Variants in SGCZ observed in about 807,000 individuals in gnomAD.
SGCZ encodes the protein sarcoglycan zeta.
In SGCZ, 40 loss-of-function variants were observed where a neutral mutation model predicts 41.3. The observed-to-expected ratio is 0.97, with a 90% CI of 0.75 to 1.26. SGCZ has a LOEUF of 1.26. Among genes scored for constraint, SGCZ ranks in the 50% most tolerant of loss-of-function variants. SGCZ has a pLI of 0.00. For synonymous variants in SGCZ, 206 were observed against 137.5 expected (o/e 1.50, Z -3.49); for missense variants, 552 against 369.8 (o/e 1.49, Z -4.04).
chr8:14,325,709 C>T (rs1161746243), intron 2 of SGCZ, among the ~76,000 whole-genome samples: 2 of 125,610 alleles, frequency 1.6e-5, no homozygotes, highest in Admixed American at 8.7e-5. Flanking sequence ...ATTATATATA[C>T]ATATCTGTAT....
intron 1 of SGCZ, among the ~76,000 whole-genome samples, chr8:14,834,315 T>C (rs1440577378): frequency 6.6e-6 from 1 of 152,208 alleles, no homozygotes; most frequent in Non-Finnish European, 1.5e-5. Context: ...TCATTAAGGA[T>C]TCTTTTATCT....
intron 2 of SGCZ, among the ~76,000 whole-genome samples, chr8:14,381,687 A>G (rs1804371010): frequency 1.3e-5 from 2 of 151,984 alleles, no homozygotes; most frequent in South Asian, 2.1e-4. Context: ...TTGGGAAGCT[A>G]AGGTGAAAGG....
At chr8:14,801,237 C>A (rs1801312519) in intron 1 of SGCZ, among the ~76,000 whole-genome samples, 1 of 152,030 alleles carries the variant, frequency 6.6e-6, no homozygotes, top group Admixed American at 6.6e-5. Flanking sequence ...AGAAGATAAA[C>A]AGAAATTATA....
chr8:14,144,180 T>C lies in SGCZ; in HGVS notation c.547+20400A>G, dbSNP rs371958481. Reference sequence around the variant, plus strand: ...GACAGCCAAGGTAATACTGGCATCATCCGTCCCATAACCCTAGGCTGCACA... The same window carrying C: ...GACAGCCAAGGTAATACTGGCATCACCCGTCCCATAACCCTAGGCTGCACA... On this transcript the variant is annotated intron_variant, in intron 5 of 7. Coordinates refer to ENST00000382080, the MANE Select transcript of SGCZ (RefSeq NM_139167.4). Among the ~76,000 whole-genome samples, 8 of 152,114 alleles carry C rather than the reference T, an allele frequency of 5.3e-5. No individual in the cohort carries two copies. In the East Asian group the frequency reaches 7.7e-4, roughly 15 times the overall value.
chr8:15,113,204 G>A lies in SGCZ; in HGVS notation c.39+124381C>T, dbSNP rs1585576390. 3.2e-5 allele frequency among the ~76,000 whole-genome samples: 3 copies of A among 95,236 alleles called. No individual in the cohort carries two copies. In the South Asian group the frequency reaches 1.0e-3, roughly 33 times the overall value. 62.5% of individuals were successfully genotyped at this position (95,236 alleles called of 152,430 possible). A position where few individuals can be genotyped will look rare whatever the true frequency, so the allele number is the denominator to read the frequency against. ...AGCCTGGGCAAGAGAGCGAGACCTG[G>A]CTCAAAAAAAAAAAAAAACAAAAAG... On this transcript the variant is annotated intron_variant, in intron 1 of 7. Coordinates refer to ENST00000382080, the MANE Select transcript of SGCZ (RefSeq NM_139167.4).
At chr8:14,814,954 A>G (rs978102704) in intron 1 of SGCZ, among the ~76,000 whole-genome samples, 2 of 152,096 alleles carry the variant, frequency 1.3e-5, no homozygotes, top group African/African-American at 4.8e-5. Context: ...GACATTAAAA[A>G]AAGAAAACTA....
chr8:15,082,396 A>G (rs575615473), intron 1 of SGCZ, among the ~76,000 whole-genome samples: 158 of 149,888 alleles, frequency 1.1e-3, no homozygotes, highest in African/African-American at 3.7e-3. Flanking sequence ...ATATATATAT[A>G]CACACATATA....
At chr8:14,602,243 A>G (rs577062436) in intron 1 of SGCZ, among the ~76,000 whole-genome samples, 1 of 152,322 alleles carries the variant, frequency 6.6e-6, no homozygotes, top group African/African-American at 2.4e-5. Flanking sequence ...GTTTTAAAAA[A>G]ATTCTCAATT....
chr8:14,569,827 G>T (rs190584175), intron 1 of SGCZ, among the ~76,000 whole-genome samples: 1 of 152,162 alleles, frequency 6.6e-6, no homozygotes, highest in African/African-American at 2.4e-5. Flanking sequence ...TCAGGTGGGT[G>T]GGGGCTGAAA....
intron 1 of SGCZ, among the ~76,000 whole-genome samples, chr8:15,227,664 C>T (rs770134112): frequency 1.3e-5 from 2 of 152,094 alleles, no homozygotes; most frequent in African/African-American, 2.4e-5. Context: ...TTTATTCATT[C>T]GTACTGTGAC....
At chr8:14,488,634 G>T (rs879864237) in intron 2 of SGCZ, among the ~76,000 whole-genome samples, 1 of 142,310 alleles carries the variant, frequency 7.0e-6, no homozygotes. Flanking sequence ...GCTGTGAGAA[G>T]TTAGGAACCT....
chr8:14,990,146 A>T (rs1801959519), intron 1 of SGCZ, among the ~76,000 whole-genome samples: 2 of 152,196 alleles, frequency 1.3e-5, no homozygotes, highest in Admixed American at 1.3e-4. Context: ...AAAGTGAAGA[A>T]ATTGAAGCAG....
At chr8:14,706,055 G>T (rs923732947) in intron 1 of SGCZ, among the ~76,000 whole-genome samples, 11 of 151,628 alleles carry the variant, frequency 7.3e-5, no homozygotes, top group African/African-American at 1.9e-4. Flanking sequence ...TCTTTTATTG[G>T]GCACCATGAC....
At chr8:15,047,104 C>T (rs116370375) in intron 1 of SGCZ, among the ~76,000 whole-genome samples, 1 of 151,866 alleles carries the variant, frequency 6.6e-6, no homozygotes, top group South Asian at 2.1e-4. Flanking sequence ...AATGCCTGTC[C>T]CTCCTGCATC....
At chr8:14,273,618 T>C (rs998534529) in intron 3 of SGCZ, among the ~76,000 whole-genome samples, 5 of 152,196 alleles carry the variant, frequency 3.3e-5, no homozygotes, top group African/African-American at 9.6e-5. Context: ...TTTTTGCATA[T>C]TGTGTTTTAA....
At chr8:14,403,778 A>G (rs1799140173) in intron 2 of SGCZ, among the ~76,000 whole-genome samples, 1 of 152,298 alleles carries the variant, frequency 6.6e-6, no homozygotes, top group Non-Finnish European at 1.5e-5. Context: ...GAAAAAATAT[A>G]CATGCAATAT....
chr8:14,855,888 G>C (rs1183039589), intron 1 of SGCZ, among the ~76,000 whole-genome samples: 1 of 152,062 alleles, frequency 6.6e-6, no homozygotes, highest in East Asian at 1.9e-4. Context: ...GGTGATTTGA[G>C]ATAAGACCAC....
intron 1 of SGCZ, among the ~76,000 whole-genome samples, chr8:14,943,941 T>C (rs1800360742): frequency 6.6e-6 from 1 of 152,176 alleles, no homozygotes; most frequent in African/African-American, 2.4e-5. Flanking sequence ...TAGTATGCCA[T>C]GGTATATTAC....
At chr8:14,685,540 T>C (rs1262992750) in intron 1 of SGCZ, among the ~76,000 whole-genome samples, 7 of 152,136 alleles carry the variant, frequency 4.6e-5, no homozygotes, top group Admixed American at 4.6e-4. Context: ...TAACTACTAA[T>C]ATTGCTATTC....
Sources: gnomAD v4.1 joint callset for allele counts (sites outside exome capture counted in the v4.1 genomes callset) on GRCh38, gnomAD v4.1.1 for gene constraint, MANE v1.5 for transcripts, NCBI Gene and HGNC (gene_info 2026-07-23, HGNC 2026-07-21) for gene names.